PLEKHA2: variants seen among roughly 807,000 people sequenced by gnomAD.
The protein encoded by PLEKHA2 is pleckstrin homology domain-containing family A member 2.
Under a neutral mutation model 53.2 loss-of-function variants are expected in PLEKHA2, and 28 were observed. The observed-to-expected ratio is 0.53, with a 90% CI of 0.39 to 0.72. PLEKHA2 has a LOEUF of 0.72. PLEKHA2 is among the 30% of genes least tolerant of loss of function. PLEKHA2 has a pLI of 0.00. For synonymous variants in PLEKHA2, 193 were observed against 196.4 expected (o/e 0.98, Z 0.14); for missense variants, 426 against 537.9 (o/e 0.79, Z 2.06).
chr8:38,947,553 T>G (rs1834738481), intron 5 of PLEKHA2, among the ~76,000 whole-genome samples: 1 of 148,868 alleles, frequency 6.7e-6, no homozygotes, highest in African/African-American at 2.5e-5. Flanking sequence ...AGCCCAGAAG[T>G]TTGAGGCTGC....
chr8:38,951,069 C>A (rs1834828298), intron 6 of PLEKHA2, 79 bp downstream of exon 6: 4 of 792,060 alleles, frequency 5.1e-6, no homozygotes, highest in Non-Finnish European at 5.1e-6. Context: ...GCTCGGAGCA[C>A]TGTACTGGGG....
intron 3 of PLEKHA2, among the ~76,000 whole-genome samples, chr8:38,938,466 T>G (rs1179831714): frequency 6.6e-6 from 1 of 152,206 alleles, no homozygotes; most frequent in Non-Finnish European, 1.5e-5. Context: ...CCACTGCTTC[T>G]GCCAGAGGGG....
intron 2 of PLEKHA2, among the ~76,000 whole-genome samples, chr8:38,918,607 T>C (rs920733663): frequency 1.8e-3 from 18 of 9,806 alleles, no homozygotes; most frequent in East Asian, 4.8e-3. Context: ...CATACACACA[T>C]ACACAAGCCA....
At chr8:38,920,081 C>T (rs1456139033) in intron 2 of PLEKHA2, among the ~76,000 whole-genome samples, 1 of 152,112 alleles carries the variant, frequency 6.6e-6, no homozygotes, top group Non-Finnish European at 1.5e-5. Context: ...AAGTGATTCT[C>T]CTGCCTCAGC....
At chr8:38,955,189 G>C (rs2129422991) in intron 9 of PLEKHA2, among the ~76,000 whole-genome samples, 1 of 152,320 alleles carries the variant, frequency 6.6e-6, no homozygotes, top group South Asian at 2.1e-4. Context: ...CAAATGCATA[G>C]TCTTTTATCC....
At chr8:38,928,879 C>T (rs1160646422) in intron 2 of PLEKHA2, among the ~76,000 whole-genome samples, 1 of 152,048 alleles carries the variant, frequency 6.6e-6, no homozygotes, top group Non-Finnish European at 1.5e-5. Flanking sequence ...GGTGTTTGGC[C>T]CTAGAGCAGC....
chr8:38,911,095 C>T (rs1833946944), intron 1 of PLEKHA2, among the ~76,000 whole-genome samples: 1 of 152,150 alleles, frequency 6.6e-6, no homozygotes, highest in Admixed American at 6.5e-5. Context: ...GGCCCCTTCT[C>T]TTACAAATAC....
intron 2 of PLEKHA2, among the ~76,000 whole-genome samples, chr8:38,919,570 T>C (rs1834141931): frequency 6.6e-6 from 1 of 152,188 alleles, no homozygotes; most frequent in Non-Finnish European, 1.5e-5. Context: ...GTCCCAGGGA[T>C]GGAGTTATGC....
intron 6 of PLEKHA2, among the ~76,000 whole-genome samples, chr8:38,951,340 C>A (rs906238787): frequency 6.6e-6 from 1 of 152,168 alleles, no homozygotes; most frequent in Non-Finnish European, 1.5e-5. Flanking sequence ...GGTTCACATT[C>A]CCTATCCTTC....
intron 10 of PLEKHA2, among the ~76,000 whole-genome samples, chr8:38,960,035 G>C (rs1360164357): frequency 6.6e-6 from 1 of 152,296 alleles, no homozygotes; most frequent in East Asian, 1.9e-4. Context: ...GTTCAGGAGA[G>C]AGCTTTGGAC....
chr8:38,931,809 C>T (rs113835113), intron 2 of PLEKHA2, among the ~76,000 whole-genome samples: 1,593 of 152,230 alleles, frequency 0.01, 27 homozygotes, highest in African/African-American at 0.037. Context: ...AAACATACTC[C>T]GAGAACAGAG....
At chr8:38,908,636 G>C (rs1833913254) in intron 1 of PLEKHA2, among the ~76,000 whole-genome samples, 1 of 152,174 alleles carries the variant, frequency 6.6e-6, no homozygotes, top group Admixed American at 6.5e-5. Flanking sequence ...ATAACTTACT[G>C]TTTTGGTGAC....
intron 2 of PLEKHA2, among the ~76,000 whole-genome samples, chr8:38,923,523 G>A (rs1238008555): frequency 3.3e-5 from 5 of 152,114 alleles, no homozygotes; most frequent in African/African-American, 1.2e-4. Flanking sequence ...TGATCCTTAC[G>A]TGCCTTTTAT....
At chr8:38,959,574 C>T (rs890005214) in intron 10 of PLEKHA2, among the ~76,000 whole-genome samples, 1 of 152,042 alleles carries the variant, frequency 6.6e-6, no homozygotes, top group Non-Finnish European at 1.5e-5. Context: ...GACATGCTGT[C>T]AAGGATTGCC....
chr8:38,962,927 T>C (rs990740126), intron 10 of PLEKHA2, among the ~76,000 whole-genome samples: 19 of 152,198 alleles, frequency 1.2e-4, no homozygotes, highest in African/African-American at 4.1e-4. Context: ...CAATCGTATG[T>C]GGCAGGGCTG....
intron 5 of PLEKHA2, among the ~76,000 whole-genome samples, chr8:38,946,851 A>G (rs986043115): frequency 2.0e-5 from 3 of 152,230 alleles, no homozygotes; most frequent in African/African-American, 7.2e-5. Flanking sequence ...GGAAAAAACT[A>G]GACTTTTAAT....
At chr8:38,940,659 G>T (rs1365472872) in intron 3 of PLEKHA2, among the ~76,000 whole-genome samples, 1 of 100,472 alleles carries the variant, frequency 1.0e-5, no homozygotes, top group African/African-American at 3.8e-5. Context: ...GCGGGGGGGG[G>T]GGGTCAGAAA....
intron 1 of PLEKHA2, among the ~76,000 whole-genome samples, chr8:38,906,030 AG>A (rs1462950721): frequency 6.6e-6 from 1 of 152,222 alleles, no homozygotes; most frequent in Non-Finnish European, 1.5e-5. Context: ...CCCATGTATT[AG>A]TACCCTTTGG....
intron 1 of PLEKHA2, among the ~76,000 whole-genome samples, chr8:38,906,633 A>T (rs906357624): frequency 6.6e-6 from 1 of 152,130 alleles, no homozygotes; most frequent in Non-Finnish European, 1.5e-5. Context: ...CCCGCCTTAC[A>T]CTATTTGGAA....
Sources: gnomAD v4.1 joint callset for allele counts (sites outside exome capture counted in the v4.1 genomes callset) on GRCh38, gnomAD v4.1.1 for gene constraint, MANE v1.5 for transcripts, NCBI Gene and HGNC (gene_info 2026-07-23, HGNC 2026-07-21) for gene names.